The following PEAK1 variants were observed in gnomAD, a reference collection of about 807,000 sequenced individuals.
The protein encoded by PEAK1 is pseudopodium enriched atypical kinase 1, also known as inactive tyrosine-protein kinase PEAK1.
A neutral mutation model predicts 124.7 loss-of-function variants in PEAK1; 54 were observed. The observed-to-expected ratio is 0.43, with a 90% CI of 0.35 to 0.54. The LOEUF is 0.54. Among genes scored for constraint, PEAK1 ranks in the 20% least tolerant of loss-of-function variants. The pLI, the probability that PEAK1 is intolerant of heterozygous loss-of-function variation, is 0.01. For missense variants in PEAK1, 2,046 were observed against 2,134.5 expected (o/e 0.96, Z 0.82); for synonymous variants, 719 against 760.0 (o/e 0.95, Z 0.89).
intron 1 of PEAK1, among the ~76,000 whole-genome samples, chr15:77,368,505 A>G (rs1459562304): frequency 6.6e-6 from 1 of 151,658 alleles, no homozygotes; most frequent in Non-Finnish European, 1.5e-5. Flanking sequence ...GCGACAGAGC[A>G]AGATGCCATC....
At chr15:77,402,735 C>A in intron 1 of PEAK1, 1 of 985,152 alleles carries the variant, frequency 1.0e-6, no homozygotes, top group Non-Finnish European at 1.2e-6. Context: ...CATTTATTCC[C>A]AGGAAACAAT....
At chr15:77,316,452 T>C (rs933438159) in intron 2 of PEAK1, among the ~76,000 whole-genome samples, 1 of 152,200 alleles carries the variant, frequency 6.6e-6, no homozygotes, top group African/African-American at 2.4e-5. Flanking sequence ...TTATTTTCTC[T>C]GGAAAATTCT....
At chr15:77,159,775 T>C (rs1258390619) in intron 7 of PEAK1, among the ~76,000 whole-genome samples, 4 of 152,228 alleles carry the variant, frequency 2.6e-5, no homozygotes, top group African/African-American at 9.6e-5. Context: ...CATCAGAACA[T>C]ATATCGCCTG....
chr15:77,271,300 TG>T (rs1020044203), intron 5 of PEAK1, among the ~76,000 whole-genome samples: 33 of 152,218 alleles, frequency 2.2e-4, no homozygotes, highest in African/African-American at 7.5e-4. Context: ...GGAGAGGATG[TG>T]GAGAAATAGG....
rs116826286 is a variant in PEAK1 at position 77,353,281 on chromosome 15, G to A, written c.-603+11882C>T. ...AACAGACTGTGGTAGAAGTGACACT[G>A]AGTGACTTCCAAGGTTATGTCGAGA... On this transcript the variant is annotated intron_variant, in intron 2 of 9. Coordinates refer to ENST00000682557, the MANE Select transcript of PEAK1 (RefSeq NM_001385026.1). Among the ~76,000 whole-genome samples, 812 of 152,310 alleles carry A rather than the reference G, an allele frequency of 5.3e-3. 11 individuals are homozygous for A. The highest frequency in any genetic ancestry group is 0.017 in the African/African-American group (697 of 41,554).
intron 2 of PEAK1, chr15:77,345,746 A>G (rs1349880556): frequency 3.5e-6 from 1 of 289,102 alleles, no homozygotes; most frequent in Non-Finnish European, 5.2e-6. Context: ...TTTTTTTTGT[A>G]TTCCCAACAC....
chr15:77,372,533 T>C (rs1450580059), intron 1 of PEAK1, among the ~76,000 whole-genome samples: 1 of 152,192 alleles, frequency 6.6e-6, no homozygotes, highest in Non-Finnish European at 1.5e-5. Context: ...AAGCGAGGGT[T>C]TAATCACACT....
At chr15:77,154,372 T>C (rs1203327564) in intron 8 of PEAK1, among the ~76,000 whole-genome samples, 17 of 152,254 alleles carry the variant, frequency 1.1e-4, no homozygotes, top group South Asian at 6.2e-4. Flanking sequence ...TTTGAGCCTA[T>C]GTGTGTCTCT....
chr15:77,353,837 T>C (rs1223103760), intron 2 of PEAK1, among the ~76,000 whole-genome samples: 8 of 152,216 alleles, frequency 5.3e-5, no homozygotes, highest in Admixed American at 5.2e-4. Context: ...AGAAAAGGTC[T>C]GAGGACAAAG....
intron 2 of PEAK1, among the ~76,000 whole-genome samples, chr15:77,341,413 T>A (rs554403224): frequency 1.3e-5 from 2 of 151,726 alleles, no homozygotes; most frequent in East Asian, 3.9e-4. Flanking sequence ...GGCAGAAGAA[T>A]CACTTGAACC....
At chr15:77,304,566 G>A (rs530334511) in intron 2 of PEAK1, among the ~76,000 whole-genome samples, 2 of 148,940 alleles carry the variant, frequency 1.3e-5, no homozygotes, top group East Asian at 4.0e-4. Flanking sequence ...TCCTGCCTCA[G>A]CCTCCCGAGT....
At chr15:77,208,046 G>A (rs888147207) in intron 6 of PEAK1, among the ~76,000 whole-genome samples, 1 of 152,142 alleles carries the variant, frequency 6.6e-6, no homozygotes, top group African/African-American at 2.4e-5. Flanking sequence ...TTTCAACAGA[G>A]TTGGTGAGAA....
intron 7 of PEAK1, among the ~76,000 whole-genome samples, chr15:77,161,460 G>A (rs2055632175): frequency 6.6e-6 from 1 of 152,116 alleles, no homozygotes; most frequent in African/African-American, 2.4e-5. Context: ...TAAGTGCACT[G>A]GTATATTAAA....
At chr15:77,403,308 T>G in intron 1 of PEAK1, 1 of 962,560 alleles carries the variant, frequency 1.0e-6, no homozygotes. Flanking sequence ...GACATTTAAG[T>G]GCTAAACATG....
rs570158131 is a variant in PEAK1 at position 77,261,987 on chromosome 15, C to G, written c.-274-9461G>C. On this transcript the variant is annotated intron_variant, in intron 5 of 9. Coordinates refer to ENST00000682557, the MANE Select transcript of PEAK1 (RefSeq NM_001385026.1). The stretch of plus-strand genomic sequence containing the variant: ...CTTAAAGAAAAGAATTTTCAACCCA[C>G]AATTTCATATCCAGCCAAACTAAGC... Among the ~76,000 whole-genome samples the G allele has an allele frequency of 9.6e-3, 1,466 of 152,088 alleles. 25 individuals carry two copies. The highest frequency in any genetic ancestry group is 0.033 in the African/African-American group (1,360 of 41,470).
intron 5 of PEAK1, among the ~76,000 whole-genome samples, chr15:77,281,598 G>T (rs2152968145): frequency 6.6e-6 from 1 of 152,042 alleles, no homozygotes; most frequent in South Asian, 2.1e-4. Context: ...AAATTTTTTT[G>T]GAGATGGGTT....
chr15:77,172,961 C>T (rs1191505285), intron 7 of PEAK1, among the ~76,000 whole-genome samples: 3 of 152,164 alleles, frequency 2.0e-5, no homozygotes, highest in East Asian at 3.9e-4. Flanking sequence ...ATTATGTTAC[C>T]TAGGCTGGTC....
intron 2 of PEAK1, chr15:77,338,168 A>C: frequency 1.1e-6 from 1 of 920,574 alleles, no homozygotes; most frequent in South Asian, 5.0e-5. Flanking sequence ...AGACAATGGG[A>C]GTAGCCTTCT....
In PEAK1 at chr15:77,114,566, C is replaced by T; in HGVS notation, c.4831G>A (p.Glu1611Lys). The T allele has an allele frequency of 6.2e-7, 1 of 1,614,072 alleles. No individual in the cohort carries two copies. The stretch of plus-strand genomic sequence containing the variant: ...TCCCTCTCCTTCAGCTCTGGGTTCT[C>T]ATCAAAGGGGTTGGGTAGGTGCAGC... ...EMLHLPNPFDENPELKEREYT... is the reference protein window; with the variant it reads ...EMLHLPNPFDKNPELKEREYT... The change falls in exon 10 of 10, where the codon GAG (glutamate) becomes AAG (lysine). Residue 1611 changes from glutamate (E) to lysine (K), a missense_variant. Glu to Lys is a moderately conservative substitution (Grantham distance 56). Coordinates refer to ENST00000682557, the MANE Select transcript of PEAK1 (RefSeq NM_001385026.1).
Sources: gnomAD v4.1 joint callset for allele counts (sites outside exome capture counted in the v4.1 genomes callset) on GRCh38, gnomAD v4.1.1 for gene constraint, MANE v1.5 for transcripts, NCBI Gene and HGNC (gene_info 2026-07-23, HGNC 2026-07-21) for gene names.